LPP: variants seen among roughly 807,000 people sequenced by gnomAD.
LPP encodes the protein LIM domain containing preferred translocation partner in lipoma, also known as lipoma-preferred partner.
In LPP, 38 loss-of-function variants were observed where a neutral mutation model predicts 60.4. The ratio of observed to expected loss-of-function variants is 0.63; its 90% CI spans 0.49 to 0.83. The LOEUF (loss-of-function observed/expected upper bound fraction) is 0.83. Among genes scored for constraint, LPP ranks in the 40% least tolerant of loss-of-function variants. The pLI, the probability that LPP is intolerant of heterozygous loss-of-function variation, is 0.00. For missense variants in LPP, 902 were observed against 783.6 expected (o/e 1.15, Z -1.80); for synonymous variants, 328 against 290.8 (o/e 1.13, Z -1.30).
intron 6 of LPP, among the ~76,000 whole-genome samples, chr3:188,607,418 A>ATATTTTT (rs1842732460): frequency 2.6e-5 from 1 of 38,498 alleles, no homozygotes; most frequent in African/African-American, 6.9e-5. Context: ...TATATATATA[A>ATATTTTT]TTTTTTTTTC....
At chr3:188,802,706 C>T (rs1228488570) in intron 9 of LPP, among the ~76,000 whole-genome samples, 1 of 152,028 alleles carries the variant, frequency 6.6e-6, no homozygotes, top group Non-Finnish European at 1.5e-5. Context: ...ATCACTTGAA[C>T]CCGGGAGGTG....
chr3:188,362,546 T>C (rs79455558), intron 3 of LPP, among the ~76,000 whole-genome samples: 4,155 of 152,302 alleles, frequency 0.027, 195 homozygotes, highest in African/African-American at 0.097. Context: ...ACTCCTTAGC[T>C]TTTGTTTTTA....
chr3:188,772,490 T>C (rs140928145), intron 9 of LPP, among the ~76,000 whole-genome samples: 43 of 151,474 alleles, frequency 2.8e-4, no homozygotes, highest in Non-Finnish European at 5.0e-4. Flanking sequence ...CCCTTTTTTC[T>C]TTTCTTTTCT....
intron 7 of LPP, among the ~76,000 whole-genome samples, chr3:188,656,636 TG>T (rs1853279737): frequency 6.6e-6 from 1 of 152,200 alleles, no homozygotes; most frequent in African/African-American, 2.4e-5. Flanking sequence ...CATTTCCTGG[TG>T]GTTAAATCTG....
chr3:188,509,249 G>A (rs577565896), intron 5 of LPP, among the ~76,000 whole-genome samples: 2 of 152,066 alleles, frequency 1.3e-5, no homozygotes, highest in African/African-American at 2.4e-5. Context: ...AAGACTTACC[G>A]TATGCTTAGC....
intron 3 of LPP, among the ~76,000 whole-genome samples, chr3:188,394,341 T>A (rs776856008): frequency 6.6e-6 from 1 of 152,220 alleles, no homozygotes; most frequent in Non-Finnish European, 1.5e-5. Context: ...CTAGCAGTCA[T>A]AACTTTTCTG....
At chr3:188,260,204 G>A (rs1733089631) in intron 2 of LPP, among the ~76,000 whole-genome samples, 1 of 151,814 alleles carries the variant, frequency 6.6e-6, no homozygotes, top group Non-Finnish European at 1.5e-5. Context: ...CACCAAGTCC[G>A]GCTAATTTTT....
At chr3:188,177,770 T>C (rs950441775) in intron 1 of LPP, among the ~76,000 whole-genome samples, 1 of 152,154 alleles carries the variant, frequency 6.6e-6, no homozygotes, top group Non-Finnish European at 1.5e-5. Flanking sequence ...ACAGTGTTTT[T>C]ATTACAGGGA....
intron 3 of LPP, among the ~76,000 whole-genome samples, chr3:188,369,568 G>A (rs891479875): frequency 7.2e-5 from 11 of 152,132 alleles, no homozygotes; most frequent in African/African-American, 1.9e-4. Context: ...AAACTACAAA[G>A]CATCTCATAC....
At chr3:188,367,865 C>A (rs1207150235) in intron 3 of LPP, among the ~76,000 whole-genome samples, 1 of 152,136 alleles carries the variant, frequency 6.6e-6, no homozygotes, top group Admixed American at 6.5e-5. Context: ...TATAATGGAA[C>A]CATTTTGTGG....
chr3:188,402,520 C>G (rs1782492696), intron 3 of LPP, among the ~76,000 whole-genome samples: 1 of 152,112 alleles, frequency 6.6e-6, no homozygotes, highest in Non-Finnish European at 1.5e-5. Context: ...CCACAAATGC[C>G]AAGATAGTTC....
intron 8 of LPP, among the ~76,000 whole-genome samples, chr3:188,753,672 T>A (rs546538953): frequency 6.6e-6 from 1 of 151,968 alleles, no homozygotes; most frequent in Non-Finnish European, 1.5e-5. Flanking sequence ...ACTAAGATGT[T>A]AAAATGTTTC....
At chr3:188,163,866 G>A (rs553050449) in intron 1 of LPP, among the ~76,000 whole-genome samples, 29 of 150,596 alleles carry the variant, frequency 1.9e-4, no homozygotes, top group South Asian at 1.5e-3. Flanking sequence ...CAGGAGAATC[G>A]CTTGAACCCA....
chr3:188,675,041 A>ATAGG (rs1239537913), intron 7 of LPP, among the ~76,000 whole-genome samples: 2 of 143,006 alleles, frequency 1.4e-5, no homozygotes, highest in Non-Finnish European at 3.0e-5. Flanking sequence ...TTACGAGGGC[A>ATAGG]TAGGAGTAAT....
At chr3:188,629,990 G>C (rs747532213) in intron 7 of LPP, among the ~76,000 whole-genome samples, 1 of 151,952 alleles carries the variant, frequency 6.6e-6, no homozygotes, top group African/African-American at 2.4e-5. Context: ...AGACTTAAAC[G>C]TAAGACCTAA....
chr3:188,744,493 A>G (rs1725474821), intron 8 of LPP, among the ~76,000 whole-genome samples: 1 of 152,158 alleles, frequency 6.6e-6, no homozygotes, highest in South Asian at 2.1e-4. Context: ...CATCAAGCAA[A>G]CTAAGGTGCA....
intron 6 of LPP, among the ~76,000 whole-genome samples, chr3:188,531,641 A>G (rs1822203823): frequency 6.6e-6 from 1 of 152,142 alleles, no homozygotes; most frequent in South Asian, 2.1e-4. Flanking sequence ...TGTTAAGCAC[A>G]TCTTTATGCC....
At chr3:188,615,748 G>A (rs545685505) in intron 7 of LPP, among the ~76,000 whole-genome samples, 2 of 152,250 alleles carry the variant, frequency 1.3e-5, no homozygotes, top group East Asian at 1.9e-4. Context: ...AGCATCTGTT[G>A]TTTCTTGACT....
At chr3:188,353,358 C>G (rs1266056536) in intron 3 of LPP, among the ~76,000 whole-genome samples, 1 of 152,084 alleles carries the variant, frequency 6.6e-6, no homozygotes, top group Admixed American at 6.5e-5. Flanking sequence ...TTACTAATTG[C>G]TGGTGAAAAT....
Sources: allele counts gnomAD v4.1 joint callset (sites outside exome capture counted in the v4.1 genomes callset), GRCh38; gene constraint gnomAD v4.1.1; transcripts MANE v1.5; gene names NCBI Gene and HGNC (gene_info 2026-07-23, HGNC 2026-07-21).